The following PTPRD variants were observed in gnomAD, a reference collection of about 807,000 sequenced individuals.
PTPRD encodes the protein protein tyrosine phosphatase receptor type D, also known as receptor-type tyrosine-protein phosphatase delta.
A neutral mutation model predicts 214.5 loss-of-function variants in PTPRD; 34 were observed. The ratio of observed to expected loss-of-function variants is 0.16; its 90% confidence interval spans 0.12 to 0.21. PTPRD has a LOEUF of 0.21. Ranked by LOEUF, PTPRD falls within the 10% of genes least tolerant of loss-of-function variation. The pLI is 1.00. For synonymous variants in PTPRD, 1,128 were observed against 845.7 expected (o/e 1.33, Z -5.79); for missense variants, 2,545 against 2,398.7 (o/e 1.06, Z -1.27).
chr9:10,413,789 C>A (rs576243614), intron 2 of PTPRD, among the ~76,000 whole-genome samples: 1 of 151,922 alleles, frequency 6.6e-6, no homozygotes, highest in Non-Finnish European at 1.5e-5. Flanking sequence ...GACTAGAAAA[C>A]CCAGACATAA....
intron 10 of PTPRD, among the ~76,000 whole-genome samples, chr9:9,111,834 T>C (rs2154450006): frequency 6.6e-6 from 1 of 152,278 alleles, no homozygotes; most frequent in East Asian, 1.9e-4. Context: ...AAGAATTTAC[T>C]TCCTTTACTT....
intron 7 of PTPRD, among the ~76,000 whole-genome samples, chr9:9,726,060 G>C (rs1168509832): frequency 6.6e-6 from 1 of 152,094 alleles, no homozygotes; most frequent in Non-Finnish European, 1.5e-5. Context: ...AATTTAAGTA[G>C]AAAAATAAGA....
intron 2 of PTPRD, among the ~76,000 whole-genome samples, chr9:10,530,051 TC>T (rs2055709050): frequency 1.3e-5 from 2 of 152,120 alleles, no homozygotes; most frequent in South Asian, 4.1e-4. Flanking sequence ...TGCACATGTA[TC>T]CCAGAACTTA....
chr9:8,628,225 G>T (rs1250007011), intron 14 of PTPRD, among the ~76,000 whole-genome samples: 1 of 151,802 alleles, frequency 6.6e-6, no homozygotes, highest in Non-Finnish European at 1.5e-5. Context: ...TTCAAAAAGA[G>T]GCATTAATAA....
chr9:8,538,425 A>G (rs1197647959), intron 14 of PTPRD, among the ~76,000 whole-genome samples: 1 of 151,880 alleles, frequency 6.6e-6, no homozygotes, highest in Non-Finnish European at 1.5e-5. Flanking sequence ...TTACAAACCA[A>G]CAAGCTCAAT....
rs1821885619 is a variant in PTPRD at position 8,316,513 on chromosome 9, T to C, written c.*1361A>G. The C allele has an allele frequency of 8.7e-6, 2 of 230,440 alleles. No homozygotes were observed. The highest frequency in any genetic ancestry group is 1.7e-5 in the Non-Finnish European group (2 of 116,222). 14.3% of individuals were successfully genotyped at this position (230,440 alleles called of 1,614,324 possible). A position where few individuals can be genotyped will look rare whatever the true frequency, so the allele number is the denominator to read the frequency against. Reference sequence around the variant, plus strand: ...GCACATACTATAGACAATATACGATTGAATACACTTTTTTTAAACAACTCG... The same window carrying C: ...GCACATACTATAGACAATATACGATCGAATACACTTTTTTTAAACAACTCG... On this transcript the variant is annotated 3_prime_UTR_variant, in exon 46 of 46. Coordinates refer to ENST00000381196, the MANE Select transcript of PTPRD (RefSeq NM_002839.4).
chr9:8,645,737 A>G (rs1470345283), intron 12 of PTPRD, among the ~76,000 whole-genome samples: 2 of 135,448 alleles, frequency 1.5e-5, no homozygotes, highest in Non-Finnish European at 3.2e-5. Context: ...CTTTCTATCA[A>G]TGTTAGGTTA....
At chr9:9,884,430 C>T (rs761894911) in intron 5 of PTPRD, among the ~76,000 whole-genome samples, 1 of 152,118 alleles carries the variant, frequency 6.6e-6, no homozygotes, top group Non-Finnish European at 1.5e-5. Context: ...TAAGAAAGCC[C>T]TTCCTCAATA....
chr9:9,669,413 A>G (rs1427372529), intron 7 of PTPRD, among the ~76,000 whole-genome samples: 1 of 152,192 alleles, frequency 6.6e-6, no homozygotes, highest in Non-Finnish European at 1.5e-5. Flanking sequence ...TTATTGAAAG[A>G]AGGAGACCAA....
chr9:9,831,812 T>C (rs1486815437), intron 5 of PTPRD, among the ~76,000 whole-genome samples: 1 of 152,012 alleles, frequency 6.6e-6, no homozygotes, highest in Non-Finnish European at 1.5e-5. Context: ...GGATGTATTT[T>C]TAGATCAGGT....
At chr9:9,419,321 A>G (rs1004897755) in intron 8 of PTPRD, among the ~76,000 whole-genome samples, 1 of 151,724 alleles carries the variant, frequency 6.6e-6, no homozygotes, top group Non-Finnish European at 1.5e-5. Flanking sequence ...CTATTTCTAA[A>G]CAACAAAATA....
chr9:9,844,171 T>C (rs190750431), intron 5 of PTPRD, among the ~76,000 whole-genome samples: 52 of 152,136 alleles, frequency 3.4e-4, no homozygotes, highest in African/African-American at 1.1e-3. Flanking sequence ...TTTGTCTAGC[T>C]TTCACTTTCT....
chr9:9,899,728 T>A (rs910412467), intron 5 of PTPRD, among the ~76,000 whole-genome samples: 4 of 151,916 alleles, frequency 2.6e-5, no homozygotes, highest in Non-Finnish European at 5.9e-5. Context: ...AAAATCAGTA[T>A]GTGGAAGAGA....
At chr9:9,267,576 A>G (rs2132532272) in intron 9 of PTPRD, among the ~76,000 whole-genome samples, 1 of 151,358 alleles carries the variant, frequency 6.6e-6, no homozygotes, top group East Asian at 2.0e-4. Context: ...GGACACTACA[A>G]AGAAAGAAAA....
At chr9:10,258,994 T>C (rs2093493044) in intron 3 of PTPRD, among the ~76,000 whole-genome samples, 1 of 152,062 alleles carries the variant, frequency 6.6e-6, no homozygotes, top group South Asian at 2.1e-4. Flanking sequence ...GTTGTTGTTG[T>C]TGTTTGTTTC....
chr9:9,489,521 G>A (rs1432238299), intron 8 of PTPRD, among the ~76,000 whole-genome samples: 1 of 152,038 alleles, frequency 6.6e-6, no homozygotes, highest in Non-Finnish European at 1.5e-5. Context: ...AGAAAGTCAA[G>A]AAAACAATAT....
chr9:9,430,481 A>T (rs10122930), intron 8 of PTPRD, among the ~76,000 whole-genome samples: 2,416 of 151,898 alleles, frequency 0.016, 48 homozygotes, highest in East Asian at 0.061. Context: ...TACTGCCCAA[A>T]GTAATTTATA....
chr9:10,008,983 C>CTT (rs947841175), intron 4 of PTPRD, among the ~76,000 whole-genome samples: 8 of 146,616 alleles, frequency 5.5e-5, no homozygotes, highest in Non-Finnish European at 1.1e-4. Context: ...TATTTTTTCC[C>CTT]TTTTTTTCTC....
chr9:9,382,139 T>C (rs1323787423), intron 9 of PTPRD, among the ~76,000 whole-genome samples: 1 of 147,804 alleles, frequency 6.8e-6, no homozygotes, highest in Non-Finnish European at 1.5e-5. Flanking sequence ...TTTTTTGTGC[T>C]ATTGTAAATG....
Sources: gnomAD v4.1 joint callset for allele counts (sites outside exome capture counted in the v4.1 genomes callset) on GRCh38, gnomAD v4.1.1 for gene constraint, MANE v1.5 for transcripts, NCBI Gene and HGNC (gene_info 2026-07-23, HGNC 2026-07-21) for gene names.